Variants in SPTBN1 observed in about 807,000 individuals in gnomAD.
SPTBN1 encodes the protein spectrin beta, non-erythrocytic 1, also known as spectrin beta chain, non-erythrocytic 1.
In SPTBN1, 32 loss-of-function variants were observed where a neutral mutation model predicts 266.4. That is an observed-to-expected ratio of 0.12 (90% CI 0.09 to 0.16). The LOEUF is 0.16. SPTBN1 is among the 10% of genes least tolerant of loss of function. The pLI, the probability that SPTBN1 is intolerant of heterozygous loss-of-function variation, is 1.00. For synonymous variants in SPTBN1, 1,336 were observed against 1,162.2 expected, an observed-to-expected ratio of 1.15 and a Z score of -3.04; for missense variants, 2,296 against 3,067.1, an observed-to-expected ratio of 0.75 and a Z score of 5.94.
At chr2:54,604,181 G>A (rs1053278777) in intron 3 of SPTBN1, among the ~76,000 whole-genome samples, 1 of 152,144 alleles carries the variant, frequency 6.6e-6, no homozygotes, top group Non-Finnish European at 1.5e-5. Flanking sequence ...GTCACTCCAG[G>A]TAGCTGCAGG....
intron 1 of SPTBN1, among the ~76,000 whole-genome samples, chr2:54,457,696 C>T (rs1284421383): frequency 6.6e-6 from 1 of 152,206 alleles, no homozygotes; most frequent in Non-Finnish European, 1.5e-5. Flanking sequence ...GCGGCCCCCG[C>T]CCGGCCCCAC....
Position 54,669,303 on chromosome 2 carries a change from A to G in SPTBN1, c.*734A>G, listed in dbSNP as rs1338990330. 1 of 152,170 alleles carries G rather than the reference A, an allele frequency of 6.6e-6. No individual in the cohort carries two copies. The highest frequency in any genetic ancestry group is 1.5e-5 in the Non-Finnish European group (1 of 68,042). The allele number at this position is 152,170 out of a possible 1,614,324, so 9.4% of individuals were successfully genotyped here. ...TGAGATAATTCTAGTACAAAGTATAATAAAACTAGATGTATAATAAACCCT... is the reference window on the plus strand; with the variant it reads ...TGAGATAATTCTAGTACAAAGTATAGTAAAACTAGATGTATAATAAACCCT... On this transcript the variant is annotated 3_prime_UTR_variant, in exon 36 of 36. Coordinates refer to ENST00000356805, the MANE Select transcript of SPTBN1 (RefSeq NM_003128.3).
At chr2:54,524,974 C>G (rs879524483) in intron 1 of SPTBN1, among the ~76,000 whole-genome samples, 4 of 152,082 alleles carry the variant, frequency 2.6e-5, no homozygotes, top group Non-Finnish European at 5.9e-5. Flanking sequence ...AACTATCTTG[C>G]CTTTTCTTGT....
At chr2:54,538,029 A>G (rs1337242923) in intron 2 of SPTBN1, among the ~76,000 whole-genome samples, 1 of 152,220 alleles carries the variant, frequency 6.6e-6, no homozygotes, top group Non-Finnish European at 1.5e-5. Context: ...GTAACAATGA[A>G]TGTTTACGAC....
intron 1 of SPTBN1, among the ~76,000 whole-genome samples, chr2:54,470,680 A>G (rs957607400): frequency 6.6e-6 from 1 of 152,166 alleles, no homozygotes; most frequent in African/African-American, 2.4e-5. Flanking sequence ...GCTATGTTAA[A>G]TTGTTCTGTT....
rs2229504 is a variant in SPTBN1, at chr2:54,668,500, C to G, written c.7026C>G (p.Pro2342=). 230 of 1,614,154 alleles carry G rather than the reference C, an allele frequency of 1.4e-4. No homozygotes were observed. The African/African-American group carries it at 2.7e-3, about 19-fold the overall frequency. Residue 2342 remains proline (P), a synonymous_variant, in exon 36 of 36, where the codon CCC becomes CCG. Coordinates refer to ENST00000356805, the MANE Select transcript of SPTBN1 (RefSeq NM_003128.3). ...SVVTITSESS[P]GKREKDKEKD... is the part of the protein sequence containing the mutation. The stretch of plus-strand genomic sequence containing the variant: ...TCACCATCACCAGCGAGTCCAGTCC[C>G]GGCAAGCGGGAAAAGGACAAAGAGA...
intron 1 of SPTBN1, chr2:54,516,351 C>T (rs1670108460): frequency 6.6e-6 from 1 of 152,146 alleles, no homozygotes; most frequent in African/African-American, 2.4e-5. Flanking sequence ...AGTAAGCCAT[C>T]CTCCCAAAAT....
At chr2:54,538,219 T>C (rs1336973575) in intron 2 of SPTBN1, among the ~76,000 whole-genome samples, 1 of 152,242 alleles carries the variant, frequency 6.6e-6, no homozygotes, top group Admixed American at 6.5e-5. Flanking sequence ...TTTCAGTCTT[T>C]AGAATATGCC....
chr2:54,525,765 C>G (rs916984027), intron 1 of SPTBN1, among the ~76,000 whole-genome samples: 1 of 152,220 alleles, frequency 6.6e-6, no homozygotes, highest in Non-Finnish European at 1.5e-5. Context: ...GAGTCTCGCT[C>G]TGTTGCCCAG....
intron 2 of SPTBN1, among the ~76,000 whole-genome samples, chr2:54,585,743 T>C (rs1489137995): frequency 6.6e-6 from 1 of 152,220 alleles, no homozygotes; most frequent in Non-Finnish European, 1.5e-5. Context: ...TAGATGTCCT[T>C]CCCAGTGTCC....
Position 54,519,728 on chromosome 2 carries a change from C to T in SPTBN1, c.-47-6644C>T, listed in dbSNP as rs374556716. ...AAATAACTGGAATTACATTTTAGCA[C>T]GGTCCCTCTGGTAGCATTGTAGGGG... On this transcript the variant is annotated intron_variant, in intron 1 of 35. Transcript: ENST00000356805. Among the ~76,000 whole-genome samples, 19 of 152,170 alleles carry T rather than the reference C, an allele frequency of 1.2e-4. No homozygotes were observed. The East Asian group carries it at 1.5e-3, about 12-fold the overall frequency.
At chr2:54,597,771 G>A (rs1006770572) in intron 2 of SPTBN1, among the ~76,000 whole-genome samples, 5 of 152,056 alleles carry the variant, frequency 3.3e-5, no homozygotes, top group African/African-American at 1.2e-4. Flanking sequence ...GTACTCTCAG[G>A]CGACTGGGCA....
chr2:54,465,611 A>G (rs1693585451), intron 1 of SPTBN1, among the ~76,000 whole-genome samples: 1 of 141,480 alleles, frequency 7.1e-6, no homozygotes, highest in African/African-American at 2.6e-5. Context: ...ATATATACAT[A>G]TATGATGCAT....
intron 1 of SPTBN1, among the ~76,000 whole-genome samples, chr2:54,470,910 A>G (rs1693886477): frequency 6.6e-6 from 1 of 152,248 alleles, no homozygotes; most frequent in Non-Finnish European, 1.5e-5. Flanking sequence ...AATGTGGCCC[A>G]GCACAAATTT....
chr2:54,522,223 C>A lies in SPTBN1; in HGVS notation c.-47-4149C>A, dbSNP rs947833414. On this transcript the variant is annotated intron_variant, in intron 1 of 35. Transcript: ENST00000356805. ...GGCCTAACCTTTCCGTTTTAAGGAACAATAGTAGTGTTTTTAAGGAATACC... is the reference window on the plus strand; with the variant it reads ...GGCCTAACCTTTCCGTTTTAAGGAAAAATAGTAGTGTTTTTAAGGAATACC... Among the ~76,000 whole-genome samples, 5 of 152,228 alleles carry A rather than the reference C, an allele frequency of 3.3e-5. No homozygotes were observed. The East Asian group carries it at 5.8e-4, about 18-fold the overall frequency.
At chr2:54,666,721 A>G (rs1681394293) in intron 34 of SPTBN1, among the ~76,000 whole-genome samples, 1 of 152,206 alleles carries the variant, frequency 6.6e-6, no homozygotes, top group Non-Finnish European at 1.5e-5. Context: ...ATCTTGTAAA[A>G]AGTGGTTAGA....
intron 2 of SPTBN1, among the ~76,000 whole-genome samples, chr2:54,567,569 T>C (rs115202474): frequency 0.012 from 1,881 of 152,236 alleles, 34 homozygotes; most frequent in African/African-American, 0.043. Flanking sequence ...TTAATTTTAT[T>C]ATTTTTATTT....
chr2:54,526,266 C>T lies in SPTBN1; in HGVS notation c.-47-106C>T, dbSNP rs544095351. 6.7e-6 allele frequency: 6 copies of T among 900,304 alleles called. No individual in the cohort carries two copies. The Admixed American group carries it at 9.1e-5, about 14-fold the overall frequency. The allele number at this position is 900,304 out of a possible 1,614,324, so 55.8% of individuals were successfully genotyped here. ...CCAGCATTGCTCCAGAAGACCTATT[C>T]TTGGCAAGCACTGTTTTTATTTTCT... On this transcript the variant is annotated intron_variant, in intron 1 of 35. Transcript: ENST00000356805.
intron 16 of SPTBN1, among the ~76,000 whole-genome samples, chr2:54,632,178 C>G (rs1452098451): frequency 6.7e-6 from 1 of 150,272 alleles, no homozygotes; most frequent in African/African-American, 2.5e-5. Flanking sequence ...CCTGAGGACA[C>G]AAAGTAGAGA....
Sources: allele counts gnomAD v4.1 joint callset (sites outside exome capture counted in the v4.1 genomes callset), GRCh38; gene constraint gnomAD v4.1.1; transcripts MANE v1.5; gene names NCBI Gene and HGNC (gene_info 2026-07-23, HGNC 2026-07-21).